The following STK10 variants were observed in gnomAD, a reference collection of about 807,000 sequenced individuals.
STK10 encodes the protein serine/threonine kinase 10, also known as serine/threonine-protein kinase 10.
A neutral mutation model predicts 113.8 loss-of-function variants in STK10; 78 were observed. That is an observed-to-expected ratio of 0.69 (90% CI 0.57 to 0.83). The LOEUF (loss-of-function observed/expected upper bound fraction) is 0.83, where lower values mean the gene tolerates loss of function less well. STK10 is among the 40% of genes least tolerant of loss of function. The pLI is 0.00. For missense variants in STK10, 1,109 were observed against 1,280.1 expected, an observed-to-expected ratio of 0.87 and a Z score of 2.04; for synonymous variants, 465 against 494.7, an observed-to-expected ratio of 0.94 and a Z score of 0.80.
intron 7 of STK10, among the ~76,000 whole-genome samples, chr5:172,103,925 G>A (rs1159129017): frequency 2.0e-5 from 3 of 152,186 alleles, no homozygotes; most frequent in African/African-American, 7.2e-5. Flanking sequence ...TCACAGAGAG[G>A]TTAAGCCATT....
At chr5:172,174,691 A>C (rs1179761301) in intron 1 of STK10, among the ~76,000 whole-genome samples, 1 of 152,210 alleles carries the variant, frequency 6.6e-6, no homozygotes, top group African/African-American at 2.4e-5. Flanking sequence ...TGGTCGGGAC[A>C]GGCCTCTCTG....
intron 2 of STK10, among the ~76,000 whole-genome samples, chr5:172,152,285 G>C (rs1470565233): frequency 6.6e-6 from 1 of 152,180 alleles, no homozygotes; most frequent in African/African-American, 2.4e-5. Flanking sequence ...GTGGACATAT[G>C]TGCATTCAGA....
intron 2 of STK10, among the ~76,000 whole-genome samples, chr5:172,134,788 G>T (rs1449736366): frequency 6.6e-6 from 1 of 151,436 alleles, no homozygotes; most frequent in Non-Finnish European, 1.5e-5. Context: ...GCGGGGTATG[G>T]TGGCACACAC....
At position 172,188,130 on chromosome 5, in the gene STK10, G is replaced by C; in HGVS notation, c.-88C>G. ...CCGCGAGGAGAAGGAGGAGGAGTTG[G>C]AGGACGCCGCGTCTCTCGGGGTTCT... On this transcript the variant is annotated 5_prime_UTR_variant, in exon 1 of 19. Transcript: ENST00000176763. The surrounding 1 kb of genome is among the most constrained non-coding windows in gnomAD (Gnocchi z 5.6). 2 of 1,520,028 alleles carry C rather than the reference G, an allele frequency of 1.3e-6. No individual in the cohort carries two copies. The highest frequency in any genetic ancestry group is 1.8e-6 in the Non-Finnish European group (2 of 1,133,502). 94.2% of individuals were successfully genotyped at this position (1,520,028 alleles called of 1,614,324 possible). A position where few individuals can be genotyped will look rare whatever the true frequency, so the allele number is the denominator to read the frequency against.
At chr5:172,064,525 C>T in intron 13 of STK10, 195 bp downstream of exon 13, 1 of 613,342 alleles carries the variant, frequency 1.6e-6, no homozygotes, top group Non-Finnish European at 2.9e-6. Context: ...AGCTTACTTC[C>T]AGATGGAGGC....
chr5:172,099,221 G>T (rs1280361315), intron 7 of STK10, among the ~76,000 whole-genome samples: 1 of 151,994 alleles, frequency 6.6e-6, no homozygotes, highest in Non-Finnish European at 1.5e-5. Context: ...ACCCCCGTCA[G>T]CAGCAGGAGC....
At chr5:172,184,502 G>C (rs2113847635) in intron 1 of STK10, among the ~76,000 whole-genome samples, 1 of 152,234 alleles carries the variant, frequency 6.6e-6, no homozygotes, top group Non-Finnish European at 1.5e-5. Context: ...AGGCCAAGTA[G>C]GTAATAGATT....
intron 3 of STK10, among the ~76,000 whole-genome samples, chr5:172,121,330 C>A (rs1769505342): frequency 6.6e-6 from 1 of 151,936 alleles, no homozygotes; most frequent in Admixed American, 6.6e-5. Flanking sequence ...TGCGCCCAGC[C>A]TAATTTTTTG....
rs180839473 is a variant in STK10, at chr5:172,068,095, C to T, written c.1990-3283G>A. On this transcript the variant is annotated intron_variant, in intron 12 of 18. Transcript: ENST00000176763. ...GTGGCTCACGCCTGTAATCCCAGCACTTGGGGAGGCTAAGGCGGGTGGATC... is the reference window on the plus strand; with the variant it reads ...GTGGCTCACGCCTGTAATCCCAGCATTTGGGGAGGCTAAGGCGGGTGGATC... Among the ~76,000 whole-genome samples, 3 of 152,276 alleles carry T rather than the reference C, an allele frequency of 2.0e-5. No homozygotes were observed. In the East Asian group the frequency reaches 5.8e-4, roughly 29 times the overall value.
intron 10 of STK10, among the ~76,000 whole-genome samples, chr5:172,086,495 G>A (rs6889761): frequency 0.17 from 25,989 of 152,170 alleles, 2,432 homozygotes; most frequent in African/African-American, 0.24. Context: ...AGAAGGAAAG[G>A]CAAGCAAAGA....
chr5:172,167,172 G>A (rs9686478), intron 1 of STK10, among the ~76,000 whole-genome samples: 58,511 of 146,396 alleles, frequency 0.4, 12,741 homozygotes, highest in African/African-American at 0.58. Context: ...AAAAAAAAAA[G>A]AAAAAAAAGA....
intron 17 of STK10, among the ~76,000 whole-genome samples, chr5:172,053,429 G>T (rs748142983): frequency 1.2e-5 from 1 of 81,888 alleles, no homozygotes. Flanking sequence ...GTTAATTAAA[G>T]CATCATGGTT....
intron 18 of STK10, among the ~76,000 whole-genome samples, chr5:172,051,085 G>GAA (rs1248111517): frequency 7.1e-6 from 1 of 141,790 alleles, no homozygotes; most frequent in Admixed American, 7.0e-5. Flanking sequence ...TCCGTCTCAG[G>GAA]AAAAAAAAAA....
intron 2 of STK10, among the ~76,000 whole-genome samples, chr5:172,142,828 C>A (rs1463315411): frequency 1.3e-5 from 2 of 152,102 alleles, no homozygotes; most frequent in Non-Finnish European, 2.9e-5. Context: ...ATCTAAGCAC[C>A]CCATCCCTCC....
intron 15 of STK10, chr5:172,056,954 G>GGAAAGGAA (rs1767796149): frequency 1.3e-5 from 1 of 78,966 alleles, no homozygotes; most frequent in Non-Finnish European, 2.4e-5. Flanking sequence ...AAAGAAAGAA[G>GGAAAGGAA]GAAAGAAAGA....
intron 1 of STK10, among the ~76,000 whole-genome samples, chr5:172,167,368 C>T (rs1770591559): frequency 6.6e-6 from 1 of 151,974 alleles, no homozygotes; most frequent in South Asian, 2.1e-4. Flanking sequence ...TAGTAAATAA[C>T]AAAATAGGAT....
intron 1 of STK10, among the ~76,000 whole-genome samples, chr5:172,166,935 G>A (rs1306871121): frequency 6.6e-6 from 1 of 150,544 alleles, no homozygotes; most frequent in Non-Finnish European, 1.5e-5. Context: ...GCTGAGGCGG[G>A]CGGATCAGAA....
At chr5:172,047,899 GT>G (rs11438537) in intron 18 of STK10, among the ~76,000 whole-genome samples, 845 of 109,782 alleles carry the variant, frequency 7.7e-3, no homozygotes, top group African/African-American at 0.024. Flanking sequence ...TGTTTTTTGG[GT>G]TTTTTTTTTT....
intron 7 of STK10, among the ~76,000 whole-genome samples, chr5:172,100,169 G>A (rs909296389): frequency 3.9e-5 from 6 of 152,192 alleles, no homozygotes; most frequent in Non-Finnish European, 5.9e-5. Context: ...TGTGTTTAGA[G>A]GCCCATTAGA....
Sources: gnomAD v4.1 joint callset for allele counts (sites outside exome capture counted in the v4.1 genomes callset) on GRCh38, gnomAD v4.1.1 for gene constraint, Gnocchi (gnomAD v3.1) non-coding constraint, MANE v1.5 for transcripts, NCBI Gene and HGNC (gene_info 2026-07-23, HGNC 2026-07-21) for gene names.